Variants in UNC13C observed in about 807,000 individuals in gnomAD.
The protein encoded by UNC13C is protein unc-13 homolog C.
Under a neutral mutation model 245.4 loss-of-function variants are expected in UNC13C, and 174 were observed. The observed-to-expected ratio is 0.71, with a 90% CI of 0.63 to 0.80. The LOEUF (loss-of-function observed/expected upper bound fraction) is 0.80, where lower values mean the gene tolerates loss of function less well. UNC13C is among the 30% of genes least tolerant of loss of function. The pLI is 0.00. For synonymous variants in UNC13C, 992 were observed against 895.1 expected, an observed-to-expected ratio of 1.11 and a Z score of -1.93; for missense variants, 2,829 against 2,602.9, an observed-to-expected ratio of 1.09 and a Z score of -1.89.
downstream of UNC13C, chr15:54,629,565 C>A (rs1470474522): frequency 6.6e-6 from 1 of 151,318 alleles, no homozygotes; most frequent in Admixed American, 6.6e-5. Flanking sequence ...TGCTAAATAC[C>A]GTTTAGTCCC....
At chr15:54,302,497 C>A (rs1012081138) in intron 13 of UNC13C, among the ~76,000 whole-genome samples, 1 of 152,150 alleles carries the variant, frequency 6.6e-6, no homozygotes, top group Admixed American at 6.5e-5. Flanking sequence ...CCAGTTTCAG[C>A]TTTCTGCATA....
intron 9 of UNC13C, 85 bp downstream of exon 9, chr15:54,264,480 T>A (rs998986926): frequency 1.9e-6 from 2 of 1,052,426 alleles, no homozygotes; most frequent in African/African-American, 3.2e-5. Context: ...TAATTATAGG[T>A]AAAATAAATG....
downstream of UNC13C, chr15:54,630,958 T>C (rs1901446457): frequency 6.6e-6 from 1 of 152,184 alleles, no homozygotes. Context: ...ATGTTTCTTC[T>C]TATAATGAAT....
intron 30 of UNC13C, among the ~76,000 whole-genome samples, chr15:54,621,371 T>C (rs1356486195): frequency 2.0e-5 from 3 of 152,186 alleles, no homozygotes; most frequent in African/African-American, 7.2e-5. Context: ...AATAATTCAT[T>C]ATAGTTTATA....
At chr15:54,583,177 C>G (rs568223851) in intron 30 of UNC13C, among the ~76,000 whole-genome samples, 1 of 152,284 alleles carries the variant, frequency 6.6e-6, no homozygotes, top group African/African-American at 2.4e-5. Context: ...CCACCTGTAG[C>G]TAATTCAGGG....
intron 17 of UNC13C, among the ~76,000 whole-genome samples, chr15:54,348,087 T>C (rs1162156526): frequency 6.6e-6 from 1 of 152,218 alleles, no homozygotes; most frequent in African/African-American, 2.4e-5. Flanking sequence ...TTGAGAGCTA[T>C]CTATGCTGAT....
intron 19 of UNC13C, among the ~76,000 whole-genome samples, chr15:54,467,102 A>G (rs1892213952): frequency 6.6e-6 from 1 of 151,880 alleles, no homozygotes. Context: ...ATTTCTGGGC[A>G]CAAAACCATA....
intron 30 of UNC13C, among the ~76,000 whole-genome samples, chr15:54,616,929 T>C (rs770485059): frequency 1.3e-5 from 2 of 152,062 alleles, no homozygotes; most frequent in African/African-American, 4.8e-5. Context: ...ATATCTTCTC[T>C]ATGTTTAGCT....
the UNC13C span, among the ~76,000 whole-genome samples, chr15:53,926,414 A>G: frequency 6.6e-6 from 1 of 152,288 alleles, no homozygotes; most frequent in East Asian, 1.9e-4. Flanking sequence ...CAAAAAAGGG[A>G]TATCATATGT....
intron 19 of UNC13C, among the ~76,000 whole-genome samples, chr15:54,419,750 T>C (rs2040598148): frequency 6.6e-6 from 1 of 152,118 alleles, no homozygotes; most frequent in South Asian, 2.1e-4. Context: ...TACCTGGTCA[T>C]CTGTGCTCCT....
chr15:54,025,825 C>A (rs1209639698), intron 2 of UNC13C, among the ~76,000 whole-genome samples: 1 of 152,164 alleles, frequency 6.6e-6, no homozygotes. Context: ...ATTCAGGTGT[C>A]ATTTCTGTAT....
rs73419644 is a variant in UNC13C, at chr15:54,438,397, T to C, written c.4933+23330T>C. On this transcript the variant is annotated intron_variant, in intron 19 of 32. Transcript: ENST00000260323. Reference sequence around the variant, plus strand: ...CTACAAGAGAGCTGCATTTTAAACATTGAATTCTTTTGTCTAAGTCTTTGT... The same window carrying C: ...CTACAAGAGAGCTGCATTTTAAACACTGAATTCTTTTGTCTAAGTCTTTGT... 7.9e-3 allele frequency among the ~76,000 whole-genome samples: 1,197 copies of C among 152,100 alleles called. 8 individuals carry two copies. Among genetic ancestry groups the C allele is most frequent in the African/African-American group, 0.027 (1,134 of 41,542 alleles).
chr15:54,415,292 C>T (rs1239337705), intron 19 of UNC13C, among the ~76,000 whole-genome samples: 1 of 152,046 alleles, frequency 6.6e-6, no homozygotes, highest in Non-Finnish European at 1.5e-5. Context: ...GTTCTTGGAT[C>T]ATAAAAATAT....
At chr15:53,851,265 T>C in the UNC13C span, among the ~76,000 whole-genome samples, 1 of 152,140 alleles carries the variant, frequency 6.6e-6, no homozygotes, top group African/African-American at 2.4e-5. Context: ...TTAGATTTTG[T>C]TGTTTTCCTG....
chr15:54,356,371 T>C (rs1197934038), intron 17 of UNC13C, among the ~76,000 whole-genome samples: 3 of 152,188 alleles, frequency 2.0e-5, no homozygotes, highest in African/African-American at 7.2e-5. Context: ...GTTTTTTTTT[T>C]CCATACCTTG....
chr15:54,505,161 G>A (rs1368494994), intron 22 of UNC13C, among the ~76,000 whole-genome samples: 1 of 152,050 alleles, frequency 6.6e-6, no homozygotes, highest in Non-Finnish European at 1.5e-5. Flanking sequence ...GTCCCTGCTA[G>A]GCTGTTTGTT....
At chr15:54,329,862 A>G (rs761359533) in intron 14 of UNC13C, among the ~76,000 whole-genome samples, 1 of 152,020 alleles carries the variant, frequency 6.6e-6, no homozygotes, top group Non-Finnish European at 1.5e-5. Context: ...TCAGTCAGAA[A>G]TCTTTTCAAC....
chr15:54,081,608 CTT>C (rs35643072), intron 2 of UNC13C, among the ~76,000 whole-genome samples: 1 of 150,592 alleles, frequency 6.6e-6, no homozygotes, highest in Non-Finnish European at 1.5e-5. Flanking sequence ...GCAATCCCTG[CTT>C]TTTTTTTTCC....
At chr15:54,280,785 C>CAT (rs142960519) in intron 10 of UNC13C, among the ~76,000 whole-genome samples, 24,576 of 142,312 alleles carry the variant, frequency 0.17, 2,547 homozygotes, top group African/African-American at 0.28. Flanking sequence ...TATATATACA[C>CAT]ATATATATAT....
Sources: gnomAD v4.1 joint callset for allele counts (sites outside exome capture counted in the v4.1 genomes callset) on GRCh38, gnomAD v4.1.1 for gene constraint, MANE v1.5 for transcripts, NCBI Gene and HGNC (gene_info 2026-07-23, HGNC 2026-07-21) for gene names.